The following MAGI2 variants were observed in gnomAD, a reference collection of about 807,000 sequenced individuals.
MAGI2 encodes the protein membrane associated guanylate kinase, WW and PDZ domain containing 2.
Under a neutral mutation model 133.3 loss-of-function variants are expected in MAGI2, and 35 were observed. The ratio of observed to expected loss-of-function variants is 0.26; its 90% CI spans 0.20 to 0.35. The LOEUF (loss-of-function observed/expected upper bound fraction) is 0.35, where lower values mean the gene tolerates loss of function less well. MAGI2 is among the 10% of genes least tolerant of loss of function. MAGI2 has a pLI of 1.00. For synonymous variants in MAGI2, 729 were observed against 710.6 expected (o/e 1.03, Z -0.41); for missense variants, 1,636 against 1,863.4 (o/e 0.88, Z 2.25).
intron 1 of MAGI2, among the ~76,000 whole-genome samples, chr7:79,378,039 T>C (rs1028278350): frequency 6.6e-6 from 1 of 151,838 alleles, no homozygotes; most frequent in African/African-American, 2.4e-5. Flanking sequence ...GTTAAACAGA[T>C]GGAGAAGACA....
At chr7:78,299,139 G>GTT (rs1478364775) in intron 9 of MAGI2, among the ~76,000 whole-genome samples, 2 of 152,068 alleles carry the variant, frequency 1.3e-5, no homozygotes, top group Non-Finnish European at 2.9e-5. Context: ...AAAATAAAAA[G>GTT]TTAATTTTTA....
intron 1 of MAGI2, among the ~76,000 whole-genome samples, chr7:79,214,391 CTCTCTCTCTCTCTCTCTATATATATA>C (rs1344058692): frequency 6.4e-5 from 6 of 93,236 alleles, no homozygotes; most frequent in East Asian, 6.5e-4. Context: ...CTCTCTCTCT[CTCTCTCTCTCTCTCTCTATATATATA>C]TATATATATA....
chr7:78,558,021 T>C (rs1470971161), intron 3 of MAGI2, among the ~76,000 whole-genome samples: 6 of 152,098 alleles, frequency 3.9e-5, no homozygotes, highest in East Asian at 1.9e-4. Flanking sequence ...GACTAAATTC[T>C]CCTACTTAAA....
At chr7:79,390,963 T>A (rs978497437) in intron 1 of MAGI2, among the ~76,000 whole-genome samples, 1 of 152,162 alleles carries the variant, frequency 6.6e-6, no homozygotes, top group Admixed American at 6.5e-5. Context: ...ACAGCCCAAT[T>A]CATAGTATCC....
chr7:78,497,344 A>G (rs1196851448), intron 5 of MAGI2, among the ~76,000 whole-genome samples: 1 of 152,178 alleles, frequency 6.6e-6, no homozygotes, highest in Non-Finnish European at 1.5e-5. Context: ...TCCTTTTCCA[A>G]TTAAATGTCA....
At chr7:79,204,110 T>C (rs1280144824) in intron 1 of MAGI2, among the ~76,000 whole-genome samples, 5 of 151,898 alleles carry the variant, frequency 3.3e-5, no homozygotes, top group Non-Finnish European at 7.4e-5. Context: ...GAGATGTGAG[T>C]GCAAAACTTT....
rs117929998 is a variant in MAGI2 at position 78,562,633 on chromosome 7, T to C, written c.539-40988A>G. On this transcript the variant is annotated intron_variant, in intron 3 of 21. Coordinates refer to ENST00000354212, the MANE Select transcript of MAGI2 (RefSeq NM_012301.4). ...AGGTAAAAAATCATACTATATCTAG[T>C]TGAGTGGAGTGAAATATACTCCTTC... Among the ~76,000 whole-genome samples the C allele has an allele frequency of 8.8e-3, 1,333 of 152,332 alleles. 10 individuals carry two copies. Among genetic ancestry groups the C allele is most frequent in the Admixed American group, 0.016 (238 of 15,300 alleles).
intron 1 of MAGI2, among the ~76,000 whole-genome samples, chr7:79,249,842 CA>C (rs1007869146): frequency 6.6e-6 from 1 of 151,884 alleles, no homozygotes; most frequent in African/African-American, 2.4e-5. Flanking sequence ...AAAGACACAT[CA>C]AAAAAAGAAA....
intron 1 of MAGI2, among the ~76,000 whole-genome samples, chr7:79,305,557 T>C (rs896827359): frequency 1.8e-4 from 27 of 152,194 alleles, no homozygotes; most frequent in Admixed American, 7.2e-4. Context: ...CTCTTCCTTA[T>C]CTCATTTTGA....
intron 1 of MAGI2, among the ~76,000 whole-genome samples, chr7:79,131,864 AG>A (rs1211740192): frequency 2.0e-5 from 3 of 152,148 alleles, no homozygotes; most frequent in Non-Finnish European, 2.9e-5. Flanking sequence ...TTTGAATGAT[AG>A]CCGTACCCTT....
intron 4 of MAGI2, 102 bp from the exon 5 acceptor site, chr7:78,501,889 C>T (rs184155623): frequency 8.8e-5 from 69 of 780,388 alleles, no homozygotes; most frequent in Non-Finnish European, 1.1e-4. Flanking sequence ...TGAATAACTT[C>T]TATGAAGGCT....
At chr7:78,786,019 C>G (rs1826786625) in intron 2 of MAGI2, among the ~76,000 whole-genome samples, 1 of 152,014 alleles carries the variant, frequency 6.6e-6, no homozygotes, top group South Asian at 2.1e-4. Flanking sequence ...GAGGTGTCTA[C>G]TGGACATTTA....
At chr7:78,430,297 A>T (rs1365504656) in intron 6 of MAGI2, among the ~76,000 whole-genome samples, 2 of 147,604 alleles carry the variant, frequency 1.4e-5, no homozygotes, top group Non-Finnish European at 3.0e-5. Flanking sequence ...TGAGAGAAGA[A>T]ATACTTAGGA....
At chr7:79,221,735 G>T (rs138097465) in intron 1 of MAGI2, among the ~76,000 whole-genome samples, 1 of 152,034 alleles carries the variant, frequency 6.6e-6, no homozygotes, top group African/African-American at 2.4e-5. Flanking sequence ...TTATAAATAG[G>T]TATGTTATGA....
chr7:78,279,567 G>C (rs1453983028), intron 9 of MAGI2, among the ~76,000 whole-genome samples: 1 of 152,114 alleles, frequency 6.6e-6, no homozygotes, highest in East Asian at 1.9e-4. Flanking sequence ...CTGCAGCTAG[G>C]AAATAAAGAA....
chr7:78,369,102 A>C, intron 7 of MAGI2, 54 bp downstream of exon 7: 1 of 1,278,490 alleles, frequency 7.8e-7, no homozygotes, highest in Non-Finnish European at 1.1e-6. Context: ...ATAAAATACT[A>C]ACATAATTTC....
At chr7:78,064,949 G>A (rs1003207107) in intron 21 of MAGI2, among the ~76,000 whole-genome samples, 2 of 151,958 alleles carry the variant, frequency 1.3e-5, no homozygotes, top group Admixed American at 1.3e-4. Context: ...AAACAGTAGC[G>A]AATACTAACT....
At chr7:78,695,881 C>T (rs1313452406) in intron 2 of MAGI2, among the ~76,000 whole-genome samples, 2 of 152,152 alleles carry the variant, frequency 1.3e-5, no homozygotes, top group African/African-American at 4.8e-5. Context: ...ATTCTCTTAT[C>T]CTAGTTTTTA....
intron 2 of MAGI2, among the ~76,000 whole-genome samples, chr7:78,813,405 G>A (rs1034715235): frequency 9.2e-4 from 140 of 152,288 alleles, no homozygotes; most frequent in African/African-American, 3.1e-3. Flanking sequence ...ATCTATTAAT[G>A]TTACCACAAC....
Sources: allele counts gnomAD v4.1 joint callset (sites outside exome capture counted in the v4.1 genomes callset), GRCh38; gene constraint gnomAD v4.1.1; transcripts MANE v1.5; gene names NCBI Gene and HGNC (gene_info 2026-07-23, HGNC 2026-07-21).